TMEM132D: variants seen among roughly 807,000 people sequenced by gnomAD.
TMEM132D encodes the protein mature OL transmembrane protein.
In TMEM132D, 21 loss-of-function variants were observed where a neutral mutation model predicts 62.3. That is an observed-to-expected ratio of 0.34 (90% CI 0.24 to 0.49). The LOEUF (loss-of-function observed/expected upper bound fraction) is 0.49. TMEM132D is among the 20% of genes least tolerant of loss of function. The probability of loss-of-function intolerance (pLI) is 0.99; values close to 1 mark genes in which losing one functional copy is unlikely to be tolerated. For missense variants in TMEM132D, 1,346 were observed against 1,402.8 expected, an observed-to-expected ratio of 0.96 and a Z score of 0.65; for synonymous variants, 621 against 575.6, an observed-to-expected ratio of 1.08 and a Z score of -1.13.
At chr12:129,638,470 CTATA>C (rs148081619) in intron 2 of TMEM132D, among the ~76,000 whole-genome samples, 2 of 110,188 alleles carry the variant, frequency 1.8e-5, no homozygotes, top group African/African-American at 3.2e-5. Context: ...AAAAATCACA[CTATA>C]TATATAGTGT....
chr12:129,380,375 T>C (rs1022085088), intron 3 of TMEM132D, among the ~76,000 whole-genome samples: 2 of 152,202 alleles, frequency 1.3e-5, no homozygotes, highest in African/African-American at 4.8e-5. Context: ...AATTGTAACT[T>C]ATATTGATAT....
At chr12:129,247,857 T>G (rs1215573500) in intron 4 of TMEM132D, among the ~76,000 whole-genome samples, 1 of 138,354 alleles carries the variant, frequency 7.2e-6, no homozygotes, top group Non-Finnish European at 1.6e-5. Flanking sequence ...CCAGCTTCAA[T>G]GAGCAGGTTT....
At chr12:129,733,734 G>T (rs1869328680) in intron 1 of TMEM132D, among the ~76,000 whole-genome samples, 1 of 152,066 alleles carries the variant, frequency 6.6e-6, no homozygotes, top group East Asian at 1.9e-4. Flanking sequence ...AGGTCGGGAG[G>T]CTGTCATGAT....
At chr12:129,092,827 T>C (rs1289150775) in intron 5 of TMEM132D, among the ~76,000 whole-genome samples, 2 of 152,194 alleles carry the variant, frequency 1.3e-5, no homozygotes, top group African/African-American at 4.8e-5. Flanking sequence ...ACATATCTAT[T>C]AGATTGGTAC....
At chr12:129,087,602 G>C (rs957247151) in intron 5 of TMEM132D, among the ~76,000 whole-genome samples, 2 of 152,072 alleles carry the variant, frequency 1.3e-5, no homozygotes, top group Non-Finnish European at 2.9e-5. Flanking sequence ...AGGAAGGAAG[G>C]AGGCAACTCT....
intron 1 of TMEM132D, among the ~76,000 whole-genome samples, chr12:129,726,441 A>G (rs990547263): frequency 3.9e-5 from 6 of 152,164 alleles, no homozygotes; most frequent in African/African-American, 1.4e-4. Flanking sequence ...AGGCAGGAAC[A>G]GCCTCAGCTC....
At chr12:129,635,143 T>C (rs1879443723) in intron 2 of TMEM132D, among the ~76,000 whole-genome samples, 1 of 152,236 alleles carries the variant, frequency 6.6e-6, no homozygotes, top group Non-Finnish European at 1.5e-5. Flanking sequence ...CAGCCTCACC[T>C]TCCCTCGCTG....
intron 5 of TMEM132D, among the ~76,000 whole-genome samples, chr12:129,158,890 GA>G (rs1189535809): frequency 1.3e-5 from 2 of 152,172 alleles, no homozygotes; most frequent in Non-Finnish European, 2.9e-5. Flanking sequence ...AGGTGAAGGG[GA>G]AGCAAGTGCC....
intron 3 of TMEM132D, among the ~76,000 whole-genome samples, chr12:129,340,061 G>A (rs1869419085): frequency 6.6e-6 from 1 of 152,114 alleles, no homozygotes; most frequent in South Asian, 2.1e-4. Context: ...CTTCATATAT[G>A]TAAGTTCTTG....
chr12:129,196,618 G>A (rs1338232975), intron 5 of TMEM132D, among the ~76,000 whole-genome samples: 3 of 152,040 alleles, frequency 2.0e-5, no homozygotes, highest in Non-Finnish European at 4.4e-5. Context: ...TCTTGTGTGA[G>A]GTTTATTTGC....
chr12:129,509,071 AC>A (rs1275795323), intron 3 of TMEM132D, among the ~76,000 whole-genome samples: 1 of 152,166 alleles, frequency 6.6e-6, no homozygotes, highest in Non-Finnish European at 1.5e-5. Flanking sequence ...TGAACCTACC[AC>A]TTTGAGCAAT....
intron 1 of TMEM132D, among the ~76,000 whole-genome samples, chr12:129,708,510 C>T (rs1277270306): frequency 6.6e-6 from 1 of 151,262 alleles, no homozygotes; most frequent in South Asian, 2.1e-4. Context: ...GTCTCCCTGA[C>T]CCCTGCCTAG....
intron 3 of TMEM132D, among the ~76,000 whole-genome samples, chr12:129,465,718 T>A (rs535117795): frequency 7.5e-4 from 114 of 152,340 alleles, no homozygotes; most frequent in African/African-American, 2.7e-3. Flanking sequence ...AGTCTTGCTC[T>A]GTCACCCAGG....
rs188894839 is a variant in TMEM132D at position 129,710,744 on chromosome 12, C to A, written c.80-10046G>T. 2.4e-4 allele frequency among the ~76,000 whole-genome samples: 36 copies of A among 152,292 alleles called. No individual in the cohort carries two copies. The East Asian group carries it at 5.8e-3, about 25-fold the overall frequency. On this transcript the variant is annotated intron_variant, in intron 1 of 8. Transcript: ENST00000422113. ...AAGACAAACTAGGTCCAGAAAGAGG[C>A]GAACACTTGAAAGCCCGCAGCCATG... is the stretch of plus-strand genomic sequence containing the variant.
chr12:129,648,406 T>C (rs2137180953), intron 2 of TMEM132D, among the ~76,000 whole-genome samples: 1 of 152,264 alleles, frequency 6.6e-6, no homozygotes, highest in South Asian at 2.1e-4. Flanking sequence ...TCCAAATTGT[T>C]GAGGAGACTG....
chr12:129,137,269 T>C (rs989114675), intron 5 of TMEM132D, among the ~76,000 whole-genome samples: 2 of 150,930 alleles, frequency 1.3e-5, no homozygotes, highest in East Asian at 3.9e-4. Context: ...TCAACATCAC[T>C]ATCACCATCA....
chr12:129,173,108 T>C (rs945250351), intron 5 of TMEM132D, among the ~76,000 whole-genome samples: 2 of 152,126 alleles, frequency 1.3e-5, no homozygotes, highest in African/African-American at 4.8e-5. Context: ...GCTTGATATA[T>C]TGTGAGAGTT....
chr12:129,458,989 G>A (rs1873570093), intron 3 of TMEM132D, among the ~76,000 whole-genome samples: 1 of 152,148 alleles, frequency 6.6e-6, no homozygotes, highest in Non-Finnish European at 1.5e-5. Context: ...AAATCCTAAG[G>A]CTAGCTTTTG....
intron 2 of TMEM132D, among the ~76,000 whole-genome samples, chr12:129,628,231 T>C (rs147117779): frequency 0.014 from 2,080 of 152,294 alleles, 25 homozygotes; most frequent in Non-Finnish European, 0.022. Context: ...GACTTTAGAA[T>C]GTGTACTTCC....
Sources: allele counts gnomAD v4.1 joint callset (sites outside exome capture counted in the v4.1 genomes callset), GRCh38; gene constraint gnomAD v4.1.1; transcripts MANE v1.5; gene names NCBI Gene and HGNC (gene_info 2026-07-23, HGNC 2026-07-21).